RASGEF1B: variants seen among roughly 807,000 people sequenced by gnomAD.
RASGEF1B encodes the protein RasGEF domain family member 1B, also known as ras-GEF domain-containing family member 1B.
A neutral mutation model predicts 65.7 loss-of-function variants in RASGEF1B; 30 were observed. That is an observed-to-expected ratio of 0.46 (90% CI 0.34 to 0.62). RASGEF1B has a LOEUF of 0.62. Among genes scored for constraint, RASGEF1B ranks in the 20% least tolerant of loss-of-function variants. RASGEF1B has a pLI of 0.01. For missense variants in RASGEF1B, 495 were observed against 580.1 expected, an observed-to-expected ratio of 0.85 and a Z score of 1.51; for synonymous variants, 175 against 194.8, an observed-to-expected ratio of 0.90 and a Z score of 0.85.
At chr4:81,448,006 C>T (rs1077802) in intron 5 of RASGEF1B, 63 bp downstream of exon 5, 509,577 of 1,355,360 alleles carry the variant, frequency 0.38, 104,809 homozygotes, top group African/African-American at 0.8. Context: ...ACAAATATAT[C>T]GTCTGGTTGC....
chr4:81,470,544 G>GC (rs1447710607), intron 1 of RASGEF1B, among the ~76,000 whole-genome samples: 1 of 151,822 alleles, frequency 6.6e-6, no homozygotes, highest in East Asian at 1.9e-4. Context: ...CCTCCCTTCG[G>GC]CCATTAGACC....
At chr4:81,429,681 G>A (rs1020741771) in intron 13 of RASGEF1B, among the ~76,000 whole-genome samples, 1 of 152,236 alleles carries the variant, frequency 6.6e-6, no homozygotes, top group Non-Finnish European at 1.5e-5. Flanking sequence ...CGCAAGTGGC[G>A]AGTCGTCGAG....
intron 1 of RASGEF1B, among the ~76,000 whole-genome samples, chr4:81,468,301 T>C (rs1023231984): frequency 6.6e-6 from 1 of 152,332 alleles, no homozygotes; most frequent in South Asian, 2.1e-4. Flanking sequence ...CTGGGATAAT[T>C]TTCCAGCTGT....
chr4:81,427,808 A>G lies in RASGEF1B; in HGVS notation c.1398-16T>C, dbSNP rs771719655. On this transcript the variant is annotated splice_polypyrimidine_tract_variant and intron_variant, in intron 13 of 13. Coordinates refer to ENST00000264400, the MANE Select transcript of RASGEF1B (RefSeq NM_152545.3). ...GAGGCTCGACCTGAGTAATAAAAACAACACAACCTAAGACAGAATGTAACA... is the reference window on the plus strand; with the variant it reads ...GAGGCTCGACCTGAGTAATAAAAACGACACAACCTAAGACAGAATGTAACA... 37 of 1,613,670 alleles carry G rather than the reference A, an allele frequency of 2.3e-5. No individual in the cohort carries two copies. Among genetic ancestry groups the G allele is most frequent in the South Asian group, 2.2e-4 (20 of 91,056 alleles).
chr4:81,457,674 C>T (rs1722497193), intron 2 of RASGEF1B, 53 bp from the exon 3 acceptor site: 1 of 1,598,382 alleles, frequency 6.3e-7, no homozygotes. Flanking sequence ...AAATTAATAT[C>T]TTGCCTTTAT....
At chr4:81,440,761 C>T (rs1721804676) in intron 10 of RASGEF1B, 73 bp downstream of exon 10, 9 of 949,420 alleles carry the variant, frequency 9.5e-6, no homozygotes, top group Admixed American at 4.1e-5. Context: ...ACTTCAGTGT[C>T]GTAGTTCACA....
chr4:81,449,329 T>C (rs1722165031), intron 4 of RASGEF1B, among the ~76,000 whole-genome samples: 1 of 152,238 alleles, frequency 6.6e-6, no homozygotes, highest in Non-Finnish European at 1.5e-5. Flanking sequence ...TACAGCCTCA[T>C]GCTTAAGAGA....
At chr4:81,462,017 C>T (rs1482517145) in intron 1 of RASGEF1B, among the ~76,000 whole-genome samples, 1 of 152,154 alleles carries the variant, frequency 6.6e-6, no homozygotes, top group Non-Finnish European at 1.5e-5. Flanking sequence ...AGTATTTGCA[C>T]TTCTTAATTA....
chr4:81,433,457 G>A lies in RASGEF1B; in HGVS notation c.1324+383C>T, dbSNP rs191848718. Among the ~76,000 whole-genome samples, 354 of 151,728 alleles carry A rather than the reference G, an allele frequency of 2.3e-3. 1 individual carries two copies. The highest frequency in any genetic ancestry group is 8.3e-3 in the African/African-American group (345 of 41,332). Reference sequence around the variant, plus strand: ...AAAATGTTCCAGTACTTTTTTAAACGGCAGGGGGTAGCAATTTACTGTTTT... The same window carrying A: ...AAAATGTTCCAGTACTTTTTTAAACAGCAGGGGGTAGCAATTTACTGTTTT... On this transcript the variant is annotated intron_variant, in intron 12 of 13. Transcript: ENST00000264400.
Position 81,432,338 on chromosome 4 carries a change from G to C in RASGEF1B, c.1358C>G (p.Pro453Arg). ...TCTGTCTTTCTCTATATGATTTTCA[G>C]GTCCTTCACTCTCATAAGAAGCCAA... is the stretch of plus-strand genomic sequence containing the variant. ...LYLASYESEG[P>R]ENHIEKDRWK... Residue 453 changes from proline to arginine, a missense_variant, in exon 13 of 14, where the codon CCT becomes CGT. Transcript: ENST00000264400. The C allele has an allele frequency of 6.2e-7, 1 of 1,610,116 alleles. No individual in the cohort carries two copies. The highest frequency in any genetic ancestry group is 8.5e-7 in the Non-Finnish European group (1 of 1,176,986).
intron 9 of RASGEF1B, among the ~76,000 whole-genome samples, chr4:81,441,889 A>T (rs1721851999): frequency 6.6e-6 from 1 of 152,156 alleles, no homozygotes. Context: ...GCTTTTTCAC[A>T]GGTCAGCTAA....
intron 13 of RASGEF1B, among the ~76,000 whole-genome samples, chr4:81,431,913 G>A (rs1403610862): frequency 6.6e-6 from 1 of 152,118 alleles, no homozygotes; most frequent in East Asian, 1.9e-4. Flanking sequence ...ACTTTATAAA[G>A]CCTACTAGTA....
chr4:81,431,641 T>C (rs751634571), intron 13 of RASGEF1B, among the ~76,000 whole-genome samples: 13 of 152,206 alleles, frequency 8.5e-5, no homozygotes, highest in Non-Finnish European at 1.3e-4. Flanking sequence ...TTGTAAACCC[T>C]AGTACAAAAA....
intron 4 of RASGEF1B, chr4:81,452,655 CCTCA>C (rs887071198): frequency 7.9e-5 from 12 of 152,126 alleles, no homozygotes; most frequent in African/African-American, 2.9e-4. Flanking sequence ...AAGCATGGTT[CCTCA>C]CTGAGTCATG....
In RASGEF1B at chr4:81,470,346, G is replaced by C. The variant is rs983116368; in HGVS notation, c.-7+1424C>G. ...GTAAACCTCCTTGTTTCTTAGCAGA[G>C]GCTTATCGCCATGGTCCAACTATGT... On this transcript the variant is annotated intron_variant, in intron 1 of 13. Coordinates refer to ENST00000264400, the MANE Select transcript of RASGEF1B (RefSeq NM_152545.3). 1.2e-4 allele frequency among the ~76,000 whole-genome samples: 18 copies of C among 152,152 alleles called. 1 individual carries two copies. Among genetic ancestry groups the C allele is most frequent in the Non-Finnish European group, 1.5e-5 (1 of 68,040 alleles).
At chr4:81,432,541 G>T (rs1174897566) in intron 12 of RASGEF1B, among the ~76,000 whole-genome samples, 170 bp from the exon 13 acceptor site, 1 of 152,094 alleles carries the variant, frequency 6.6e-6, no homozygotes, top group African/African-American at 2.4e-5. Context: ...ATATCACTTT[G>T]CCTCTGACTG....
At chr4:81,456,933 T>C (rs1303037479) in intron 3 of RASGEF1B, 145 bp from the exon 4 acceptor site, 1 of 679,660 alleles carries the variant, frequency 1.5e-6, no homozygotes, top group East Asian at 2.7e-5. Flanking sequence ...TCCCTCCATG[T>C]CAATGCCAAG....
chr4:81,428,120 A>G (rs1721291547), intron 13 of RASGEF1B, among the ~76,000 whole-genome samples: 1 of 152,248 alleles, frequency 6.6e-6, no homozygotes, highest in Non-Finnish European at 1.5e-5. Context: ...GTTATCACAG[A>G]TAGATTTACT....
chr4:81,461,553 C>A (rs1316618006), intron 1 of RASGEF1B, among the ~76,000 whole-genome samples: 1 of 152,122 alleles, frequency 6.6e-6, no homozygotes, highest in African/African-American at 2.4e-5. Context: ...TCCAAAAAAT[C>A]AGAAAATGAT....
Sources: allele counts gnomAD v4.1 joint callset (sites outside exome capture counted in the v4.1 genomes callset), GRCh38; gene constraint gnomAD v4.1.1; transcripts MANE v1.5; gene names NCBI Gene and HGNC (gene_info 2026-07-23, HGNC 2026-07-21).